CEP170B: variants seen among roughly 807,000 people sequenced by gnomAD.
The protein encoded by CEP170B is centrosomal protein 170B, also known as centrosomal protein of 170 kDa protein B.
CEP170B carries 55 observed loss-of-function variants against 120.6 expected under a neutral mutation model. The ratio of observed to expected loss-of-function variants is 0.46; its 90% CI spans 0.37 to 0.57. CEP170B has a LOEUF of 0.57. CEP170B is among the 20% of genes least tolerant of loss of function. The probability of loss-of-function intolerance (pLI) is 0.00; values close to 1 mark genes in which losing one functional copy is unlikely to be tolerated. For missense variants in CEP170B, 2,212 were observed against 2,253.3 expected, an observed-to-expected ratio of 0.98 and a Z score of 0.37; for synonymous variants, 1,033 against 954.5, an observed-to-expected ratio of 1.08 and a Z score of -1.52.
rs758997128 is a variant in CEP170B at position 104,883,336 on chromosome 14, C to T, written c.879C>T (p.Arg293=). The T allele has an allele frequency of 1.2e-6, 2 of 1,611,722 alleles. No individual in the cohort carries two copies. The highest frequency in any genetic ancestry group is 2.2e-5 in the South Asian group (2 of 90,896). Residue 293 remains arginine (R), a synonymous_variant, in exon 8 of 19, where the codon CGC becomes CGT. Transcript: ENST00000414716. The stretch of plus-strand genomic sequence containing the variant: ...ACCATATCACCAAGTTTTCCCTGCG[C>T]CAGCGGCGGCCCCCGGGCAAGGAGG... ...IKDHITKFSL[R]QRRPPGKEAT... is the part of the protein sequence containing the mutation.
In CEP170B at chr14:104,893,789, C is replaced by T. The variant is rs1371247269; in HGVS notation, c.4211C>T (p.Pro1404Leu). 3.1e-6 allele frequency: 5 copies of T among 1,612,082 alleles called. No individual in the cohort carries two copies. The highest frequency in any genetic ancestry group is 2.2e-5 in the East Asian group (1 of 44,856). The change falls in exon 16 of 19, where the codon CCG (proline) becomes CTG (leucine). Residue 1404 changes from proline to leucine, a missense_variant. Coordinates refer to ENST00000414716, the MANE Select transcript of CEP170B (RefSeq NM_001112726.3). ...ATCTTCGATAACCTGATGCTGAACC[C>T]GGTGTCCCAGCTGTCGCAGGCCATC... ...EVIFDNLMLN[P>L]VSQLSQAIRE... is the part of the protein sequence containing the mutation.
chr14:104,889,575 C>T, intron 12 of CEP170B, 45 bp from the exon 13 acceptor site: 1 of 1,604,386 alleles, frequency 6.2e-7, no homozygotes, highest in Non-Finnish European at 8.5e-7. Flanking sequence ...GAGTACGGCT[C>T]CCGCCACGGC....
chr14:104,864,522 C>G (rs2140597207), upstream of CEP170B, among the ~76,000 whole-genome samples: 1 of 152,330 alleles, frequency 6.6e-6, no homozygotes, highest in South Asian at 2.1e-4. The surrounding 1 kb of genome is among the most constrained non-coding windows in gnomAD (Gnocchi z 5.9). Flanking sequence ...TATTGTAGCA[C>G]CCGGCAAGGA....
At chr14:104,881,019 C>T (rs1004158389) in intron 6 of CEP170B, among the ~76,000 whole-genome samples, 4 of 152,190 alleles carry the variant, frequency 2.6e-5, no homozygotes, top group Non-Finnish European at 5.9e-5. Context: ...TGGGCACCCT[C>T]TGTCCCCAGT....
At position 104,893,790 on chromosome 14, in the gene CEP170B, G is replaced by A. The variant is rs61731617; in HGVS notation, c.4212G>A (p.Pro1404=). 0.043 allele frequency: 69,638 copies of A among 1,611,924 alleles called. 1,889 individuals carry two copies. The highest frequency in any genetic ancestry group is 0.13 in the African/African-American group (9,638 of 75,002). Residue 1404 remains proline (P), a synonymous_variant, in exon 16 of 19, where the codon CCG becomes CCA. Coordinates refer to ENST00000414716, the MANE Select transcript of CEP170B (RefSeq NM_001112726.3). ...EVIFDNLMLN[P]VSQLSQAIRE... is the part of the protein sequence containing the mutation. ...TCTTCGATAACCTGATGCTGAACCC[G>A]GTGTCCCAGCTGTCGCAGGCCATCC...
In CEP170B at chr14:104,883,029, C is replaced by A; in HGVS notation, c.578-6C>A. The A allele has an allele frequency of 1.3e-6, 2 of 1,506,526 alleles. No individual in the cohort carries two copies. Among genetic ancestry groups the A allele is most frequent in the South Asian group, 1.3e-5 (1 of 79,782 alleles). 93.3% of individuals were successfully genotyped at this position (1,506,526 alleles called of 1,614,324 possible). ...GGCCCGGTCTGAAGACATCTTCCCACACCAGAGCGCCCCAAGGGACCAGTG... is the reference window on the plus strand; with the variant it reads ...GGCCCGGTCTGAAGACATCTTCCCAAACCAGAGCGCCCCAAGGGACCAGTG... On this transcript the variant is annotated splice_polypyrimidine_tract_variant and splice_region_variant and intron_variant, in intron 7 of 18. Transcript: ENST00000414716.
At chr14:104,876,437 AGCCCCTCCCTCTCAGCCCTG>A (rs1790969631) in intron 3 of CEP170B, 92 bp downstream of exon 3, 5 of 1,159,700 alleles carry the variant, frequency 4.3e-6, no homozygotes, top group Admixed American at 4.2e-5. Context: ...CCCCAGTCAT[AGCCCCTCCCTCTCAGCCCTG>A]GCCCCTCCCT....
rs773616443 is a variant in CEP170B at position 104,883,383 on chromosome 14, C to T, written c.926C>T (p.Ser309Leu). Residue 309 changes from serine (S) to leucine (L), a missense_variant, in exon 8 of 19, where the codon TCG becomes TTG. Physicochemically the swap from Ser to Leu is moderately radical, Grantham distance 145. This residue lies in a region of CEP170B where 2,166 missense variants were observed against 2,166.7 expected (regional missense o/e 1.00). Transcript: ENST00000414716. ...GKEATPGEMV[S>L]AETKVADWLV... ...GAGGCCACACCTGGCGAGATGGTGT[C>T]GGCTGAGACCAAGGTGGCCGACTGG... The T allele has an allele frequency of 3.3e-5, 53 of 1,603,298 alleles. No homozygotes were observed. The highest frequency in any genetic ancestry group is 6.8e-5 in the East Asian group (3 of 44,332).
At position 104,889,631 on chromosome 14, in the gene CEP170B, C is replaced by T. The variant is rs763855502; in HGVS notation, c.3751C>T (p.Pro1251Ser). The T allele has an allele frequency of 6.2e-7, 1 of 1,611,570 alleles. No individual in the cohort carries two copies. The highest frequency in any genetic ancestry group is 1.1e-5 in the South Asian group (1 of 91,074). ...CCACACCTCAACAGCCACTCAGACC[C>T]CGAGGGCTGGCAGCTCCAGCCGGGC... ...SARYTSTTQT[P>S]RAGSSSRARS... The change falls in exon 13 of 19, where the codon CCG (proline) becomes TCG (serine). Residue 1251 changes from proline (P) to serine (S), a missense_variant. Around this residue, in one of 2 missense-constraint regions of CEP170B, gnomAD observed 2,166 missense variants for 2,166.7 expected, o/e 1.00. Transcript: ENST00000414716.
chr14:104,865,681 G>C lies in CEP170B; in HGVS notation c.-28+168G>C, dbSNP rs1237430440. Among the ~76,000 whole-genome samples the C allele has an allele frequency of 4.0e-5, 6 of 151,708 alleles. No individual in the cohort carries two copies. The highest frequency in any genetic ancestry group is 8.8e-5 in the Non-Finnish European group (6 of 67,864). On this transcript the variant is annotated intron_variant, in intron 1 of 18. Transcript: ENST00000414716. The surrounding 1 kb of genome is among the most constrained non-coding windows in gnomAD (Gnocchi z 6.7). The stretch of plus-strand genomic sequence containing the variant: ...TCAGGCGGGTCCCCGCCGCCGCGGA[G>C]GCGGCCCTGGTCTGCGCCAGGCCGG...
chr14:104,872,311 G>A (rs1367715709), intron 2 of CEP170B, among the ~76,000 whole-genome samples: 3 of 60,652 alleles, frequency 4.9e-5, no homozygotes, highest in East Asian at 3.2e-4. Flanking sequence ...ATGGGTGTGC[G>A]TGTGTGCCGT....
At position 104,889,609 on chromosome 14, in the gene CEP170B, C is replaced by T. The variant is rs923564395; in HGVS notation, c.3740-11C>T. 1.9e-6 allele frequency: 3 copies of T among 1,609,868 alleles called. No homozygotes were observed. Among genetic ancestry groups the T allele is most frequent in the African/African-American group, 2.7e-5 (2 of 74,924 alleles). On this transcript the variant is annotated splice_polypyrimidine_tract_variant and intron_variant, in intron 12 of 18. Transcript: ENST00000414716. ...GCTCCCCCAAACACACACGCTCCCACACCTCAACAGCCACTCAGACCCCGA... is the reference window on the plus strand; with the variant it reads ...GCTCCCCCAAACACACACGCTCCCATACCTCAACAGCCACTCAGACCCCGA...
intron 8 of CEP170B, 28 bp from the exon 9 acceptor site, chr14:104,883,803 A>C (rs1415953214): frequency 6.7e-7 from 1 of 1,503,656 alleles, no homozygotes; most frequent in Non-Finnish European, 8.9e-7. Context: ...TCTCGGCCTG[A>C]CAAGGTGGGG....
At chr14:104,872,417 G>GTGTGTGC (rs1566852598) in intron 2 of CEP170B, among the ~76,000 whole-genome samples, 1 of 54,570 alleles carries the variant, frequency 1.8e-5, no homozygotes, top group Non-Finnish European at 3.9e-5. Flanking sequence ...GTGTGCCGTG[G>GTGTGTGC]GTGTGCCGTG....
At chr14:104,874,225 G>A (rs1207578183) in intron 2 of CEP170B, among the ~76,000 whole-genome samples, 1 of 152,194 alleles carries the variant, frequency 6.6e-6, no homozygotes, top group Non-Finnish European at 1.5e-5. Context: ...TGGAGGAGGT[G>A]ATGTCTGGCA....
At position 104,889,613 on chromosome 14, in the gene CEP170B, T is replaced by C; in HGVS notation, c.3740-7T>C. ...CCCCAAACACACACGCTCCCACACC[T>C]CAACAGCCACTCAGACCCCGAGGGC... On this transcript the variant is annotated splice_polypyrimidine_tract_variant and splice_region_variant and intron_variant, in intron 12 of 18. Coordinates refer to ENST00000414716, the MANE Select transcript of CEP170B (RefSeq NM_001112726.3). 1 of 1,609,786 alleles carries C rather than the reference T, an allele frequency of 6.2e-7. No homozygotes were observed.
upstream of CEP170B, among the ~76,000 whole-genome samples, chr14:104,864,849 T>G (rs1895106300): frequency 6.6e-6 from 1 of 152,118 alleles, no homozygotes; most frequent in Admixed American, 6.5e-5. The surrounding 1 kb of genome is among the most constrained non-coding windows in gnomAD (Gnocchi z 5.9). Context: ...GGCTGGAGCC[T>G]ACAGCTCCTG....
Position 104,883,901 on chromosome 14 carries a change from G to C in CEP170B, c.1122G>C (p.Gly374=). Residue 374 remains glycine, a synonymous_variant, in exon 9 of 19, where the codon GGG becomes GGC. Coordinates refer to ENST00000414716, the MANE Select transcript of CEP170B (RefSeq NM_001112726.3). ...DPLAKAASAA[G]VPLEASGEQV... is the part of the protein sequence containing the mutation. ...TGGCCAAGGCGGCCTCGGCCGCTGG[G>C]GTGCCCTTGGAGGCCAGCGGGGAGC... 2 of 1,590,958 alleles carry C rather than the reference G, an allele frequency of 1.3e-6. No individual in the cohort carries two copies. The highest frequency in any genetic ancestry group is 1.7e-6 in the Non-Finnish European group (2 of 1,169,276).
chr14:104,880,568 C>A, intron 6 of CEP170B, 143 bp downstream of exon 6: 3 of 1,255,672 alleles, frequency 2.4e-6, no homozygotes, highest in Non-Finnish European at 3.3e-6. Flanking sequence ...ACACACCTAC[C>A]CTTGCACATG....
Sources: allele counts gnomAD v4.1 joint callset (sites outside exome capture counted in the v4.1 genomes callset), GRCh38; gene constraint gnomAD v4.1.1; regional missense constraint gnomAD v4.1.1; non-coding constraint Gnocchi (gnomAD v3.1); transcripts MANE v1.5; gene names NCBI Gene and HGNC (gene_info 2026-07-23, HGNC 2026-07-21).